Variants in BCL3 observed in about 807,000 individuals in gnomAD.
BCL3 encodes BCL3 transcription coactivator.
In BCL3, 15 loss-of-function variants were observed where a neutral mutation model predicts 35.7. The ratio of observed to expected loss-of-function variants is 0.42; its 90% confidence interval spans 0.28 to 0.65. The LOEUF (loss-of-function observed/expected upper bound fraction) is 0.65. Ranked by LOEUF, BCL3 falls within the 30% of genes least tolerant of loss-of-function variation. BCL3 has a pLI of 0.22. For missense variants in BCL3, 565 were observed against 641.7 expected (o/e 0.88, Z 1.29); for synonymous variants, 311 against 284.3 (o/e 1.09, Z -0.95).
chr19:44,759,356 CT>C, intron 8 of BCL3, 71 bp from the exon 9 acceptor site: 1 of 1,122,924 alleles, frequency 8.9e-7, no homozygotes, highest in South Asian at 1.3e-5. Context: ...AGACCCAGAT[CT>C]CAGGCCCCAG....
rs1453654068 is a variant in BCL3 at position 44,758,423 on chromosome 19, G to A, written c.1059+10G>A. On this transcript the variant is annotated intron_variant, in intron 7 of 8. Coordinates refer to ENST00000164227, the MANE Select transcript of BCL3 (RefSeq NM_005178.5). ...GGCGCGCAGCCGCAGGGTGAGCCGGGGCAGCTGTGGACATGCCCCTTGCAC... is the reference window on the plus strand; with the variant it reads ...GGCGCGCAGCCGCAGGGTGAGCCGGAGCAGCTGTGGACATGCCCCTTGCAC... The A allele has an allele frequency of 3.9e-6, 6 of 1,540,070 alleles. No individual in the cohort carries two copies. The highest frequency in any genetic ancestry group is 1.2e-5 in the South Asian group (1 of 82,850).
At chr19:44,759,353 G>A (rs1311919152) in intron 8 of BCL3, 75 bp from the exon 9 acceptor site, 1 of 740,274 alleles carries the variant, frequency 1.4e-6, no homozygotes, top group Non-Finnish European at 1.8e-6. Flanking sequence ...CTCAGACCCA[G>A]ATCTCAGGCC....
At position 44,748,755 on chromosome 19, in the gene BCL3, C is replaced by G. The variant is rs1250869852; in HGVS notation, c.-36C>G. ...GAAACCACCCTCCCGTGCAGCCGAG[C>G]CCAGCCGCTCTCCGGCCGCCGTCCC... On this transcript the variant is annotated 5_prime_UTR_variant, in exon 1 of 9. Coordinates refer to ENST00000164227, the MANE Select transcript of BCL3 (RefSeq NM_005178.5). 9.2e-7 allele frequency: 1 copy of G among 1,088,940 alleles called. No homozygotes were observed. Among genetic ancestry groups the G allele is most frequent in the African/African-American group, 1.7e-5 (1 of 59,306 alleles). 67.5% of individuals were successfully genotyped at this position (1,088,940 alleles called of 1,614,324 possible).
At chr19:44,749,667 G>C (rs540262977) in intron 1 of BCL3, among the ~76,000 whole-genome samples, 21 of 152,224 alleles carry the variant, frequency 1.4e-4, no homozygotes, top group African/African-American at 4.6e-4. Context: ...CAGATACCAG[G>C]GGGTCTTGAG....
chr19:44,748,612 TGGGGCGTACGGGTGGCCCCGGGGGGGCC>T (rs1967112180), upstream of BCL3: 1 of 696,522 alleles, frequency 1.4e-6, no homozygotes, highest in African/African-American at 2.0e-5. Flanking sequence ...AGGAAACCCC[TGGGGCGTACGGGTGGCCCCGGGGGGGCC>T]GGGGGCGGGG....
rs200468364 is a variant in BCL3 at position 44,759,537 on chromosome 19, C to A, written c.1287C>A (p.Pro429=). ...PNFFLPSPSP[P]AFLPFAGVLR... Reference sequence around the variant, plus strand: ...TCTTCCTTCCTTCCCCATCTCCACCCGCCTTCCTGCCCTTTGCTGGGGTCC... The same window carrying A: ...TCTTCCTTCCTTCCCCATCTCCACCAGCCTTCCTGCCCTTTGCTGGGGTCC... The change falls in exon 9 of 9, where the codon CCC becomes CCA. Residue 429 remains proline, a synonymous_variant. Coordinates refer to ENST00000164227, the MANE Select transcript of BCL3 (RefSeq NM_005178.5). 13 of 1,613,360 alleles carry A rather than the reference C, an allele frequency of 8.1e-6. No individual in the cohort carries two copies.
At chr19:44,750,359 C>T (rs1197911947) in intron 1 of BCL3, among the ~76,000 whole-genome samples, 3 of 106,832 alleles carry the variant, frequency 2.8e-5, no homozygotes, top group Admixed American at 2.7e-4. Flanking sequence ...AGTGCATTGG[C>T]GTGATCTCGG....
intron 1 of BCL3, among the ~76,000 whole-genome samples, chr19:44,750,768 G>A (rs556439878): frequency 6.6e-6 from 1 of 152,210 alleles, no homozygotes; most frequent in South Asian, 2.1e-4. Context: ...GGGCAACAGA[G>A]CGAGACTACA....
rs756729242 is a variant in BCL3, at chr19:44,759,550, T to C, written c.1300T>C (p.Phe434Leu). The C allele has an allele frequency of 7.4e-6, 12 of 1,612,540 alleles. No homozygotes were observed. The Admixed American group carries it at 2.0e-4, about 27-fold the overall frequency. ...PSPSPPAFLPFAGVLRGPGRP... is the reference protein window; with the variant it reads ...PSPSPPAFLPLAGVLRGPGRP... ...CCCATCTCCACCCGCCTTCCTGCCC[T>C]TTGCTGGGGTCCTCCGAGGCCCTGG... The change falls in exon 9 of 9, where the codon TTT becomes CTT. Residue 434 changes from phenylalanine to leucine, a missense_variant. Coordinates refer to ENST00000164227, the MANE Select transcript of BCL3 (RefSeq NM_005178.5).
chr19:44,758,519 C>A, intron 7 of BCL3, 106 bp downstream of exon 7: 1 of 1,432,950 alleles, frequency 7.0e-7, no homozygotes, highest in Non-Finnish European at 9.4e-7. Flanking sequence ...TGTGCCGTTG[C>A]GTGGAGGGGA....
chr19:44,749,069 G>A, intron 1 of BCL3, 23 bp downstream of exon 1: 1 of 1,259,340 alleles, frequency 7.9e-7, no homozygotes, highest in African/African-American at 1.6e-5. Flanking sequence ...CGAGGGTCCG[G>A]GCCGGGTGGG....
At chr19:44,759,397 A>G in intron 8 of BCL3, 31 bp from the exon 9 acceptor site, 2 of 1,257,270 alleles carry the variant, frequency 1.6e-6, no homozygotes, top group Non-Finnish European at 1.0e-6. Context: ...GCCTCTCACC[A>G]CCCACCCCTC....
intron 2 of BCL3, among the ~76,000 whole-genome samples, 196 bp downstream of exon 2, chr19:44,751,576 C>T (rs940952102): frequency 2.0e-5 from 3 of 152,080 alleles, no homozygotes; most frequent in African/African-American, 7.2e-5. Flanking sequence ...GAGCATTTAC[C>T]TCCTAGGCCA....
Position 44,757,580 on chromosome 19 carries a change from G to A in BCL3, c.814-66G>A, listed in dbSNP as rs967119333. The A allele has an allele frequency of 1.3e-6, 2 of 1,580,106 alleles. No individual in the cohort carries two copies. The highest frequency in any genetic ancestry group is 1.7e-6 in the Non-Finnish European group (2 of 1,151,518). On this transcript the variant is annotated intron_variant, in intron 5 of 8. Transcript: ENST00000164227. The surrounding 1 kb of genome is among the most constrained non-coding windows in gnomAD (Gnocchi z 8.4). Reference sequence around the variant, plus strand: ...TGGACCCCGCGAATGGGATGTGGACGGGATGCGGGTCGCCGGCTGCTGGAG... The same window carrying A: ...TGGACCCCGCGAATGGGATGTGGACAGGATGCGGGTCGCCGGCTGCTGGAG...
intron 2 of BCL3, among the ~76,000 whole-genome samples, chr19:44,752,410 T>C (rs1967199059): frequency 6.6e-6 from 1 of 151,920 alleles, no homozygotes; most frequent in Non-Finnish European, 1.5e-5. Flanking sequence ...TCTTGCTATG[T>C]TGCCCAGACT....
At chr19:44,751,768 A>G (rs1010672604) in intron 2 of BCL3, among the ~76,000 whole-genome samples, 2 of 152,030 alleles carry the variant, frequency 1.3e-5, no homozygotes, top group African/African-American at 2.4e-5. Context: ...AGCCTGGCTA[A>G]TTTTTGTATT....
At position 44,751,303 on chromosome 19, in the gene BCL3, C is replaced by T. The variant is rs1599838127; in HGVS notation, c.333C>T (p.Tyr111=). Residue 111 remains tyrosine (Y), a synonymous_variant, in exon 2 of 9, where the codon TAC becomes TAT. Coordinates refer to ENST00000164227, the MANE Select transcript of BCL3 (RefSeq NM_005178.5). ...FPLVNLPTPL[Y]PMMCPMEHPL... The stretch of plus-strand genomic sequence containing the variant: ...TGGTGAACCTGCCTACACCCCTATA[C>T]CCCATGATGTGCCCCATGGAACACC... 1 of 1,609,330 alleles carries T rather than the reference C, an allele frequency of 6.2e-7. No individual in the cohort carries two copies.
At chr19:44,755,223 A>G (rs1967258784) in intron 2 of BCL3, 1 of 152,400 alleles carries the variant, frequency 6.6e-6, no homozygotes, top group Admixed American at 6.5e-5. Flanking sequence ...TTTATTGGAA[A>G]TGCTCTCCAT....
At chr19:44,752,747 C>A (rs1220649346) in intron 2 of BCL3, among the ~76,000 whole-genome samples, 2 of 152,148 alleles carry the variant, frequency 1.3e-5, no homozygotes, top group Non-Finnish European at 2.9e-5. Context: ...ATTCTATTGA[C>A]CTGGGTTGGA....
Sources: allele counts gnomAD v4.1 joint callset (sites outside exome capture counted in the v4.1 genomes callset), GRCh38; gene constraint gnomAD v4.1.1; non-coding constraint Gnocchi (gnomAD v3.1); transcripts MANE v1.5; gene names NCBI Gene and HGNC (gene_info 2026-07-23, HGNC 2026-07-21).